The following CATSPERE variants were observed in gnomAD, a reference collection of about 807,000 sequenced individuals.
The protein encoded by CATSPERE is catsper channel auxiliary subunit epsilon, also known as cation channel sperm-associated auxiliary subunit epsilon.
A neutral mutation model predicts 114.1 loss-of-function variants in CATSPERE; 93 were observed. The ratio of observed to expected loss-of-function variants is 0.81; its 90% CI spans 0.69 to 0.97. CATSPERE has a LOEUF of 0.97. Ranked by LOEUF, CATSPERE falls within the 50% of genes least tolerant of loss-of-function variation. CATSPERE has a pLI of 0.00. For synonymous variants in CATSPERE, 341 were observed against 384.1 expected (o/e 0.89, Z 1.31); for missense variants, 1,058 against 1,131.6 (o/e 0.93, Z 0.93).
At chr1:244,527,973 A>C (rs1029163686) in intron 8 of CATSPERE, among the ~76,000 whole-genome samples, 3 of 152,032 alleles carry the variant, frequency 2.0e-5, no homozygotes, top group African/African-American at 4.8e-5. Context: ...TTTCTCTTCA[A>C]CTTTTAAGTT....
chr1:244,470,413 G>T (rs894575049), intron 2 of CATSPERE, among the ~76,000 whole-genome samples: 3 of 152,118 alleles, frequency 2.0e-5, no homozygotes, highest in African/African-American at 7.2e-5. Context: ...TATCCAAATG[G>T]CCAATAAGCA....
intron 19 of CATSPERE, among the ~76,000 whole-genome samples, chr1:244,614,975 C>CA (rs1037813603): frequency 1.3e-5 from 2 of 151,978 alleles, no homozygotes; most frequent in African/African-American, 4.8e-5. Context: ...AATTGTCCTT[C>CA]AACCTGGCTG....
intron 8 of CATSPERE, among the ~76,000 whole-genome samples, chr1:244,527,503 G>T (rs1678839661): frequency 6.6e-6 from 1 of 152,046 alleles, no homozygotes; most frequent in African/African-American, 2.4e-5. Flanking sequence ...ATTTCATATT[G>T]TTCAAACACA....
intron 10 of CATSPERE, 140 bp from the exon 11 acceptor site, chr1:244,572,190 T>A: frequency 3.2e-6 from 2 of 623,080 alleles, no homozygotes; most frequent in Non-Finnish European, 5.8e-6. Flanking sequence ...TATGGGTTCA[T>A]ATCTGCACAT....
intron 2 of CATSPERE, among the ~76,000 whole-genome samples, chr1:244,476,628 A>G (rs556300878): frequency 2.0e-5 from 3 of 152,308 alleles, no homozygotes; most frequent in African/African-American, 7.2e-5. Flanking sequence ...AGCAATCTTC[A>G]TATATTATGT....
chr1:244,599,486 C>A lies in CATSPERE; in HGVS notation c.2303+5908C>A, dbSNP rs559213083. On this transcript the variant is annotated intron_variant, in intron 17 of 21. Coordinates refer to ENST00000366534, the MANE Select transcript of CATSPERE (RefSeq NM_001130957.2). ...TATTGGGTCTATCTATTTGTCAATG[C>A]CTGCTATTACAGACCCAAGTCATCA... 5.9e-5 allele frequency among the ~76,000 whole-genome samples: 9 copies of A among 152,316 alleles called. No homozygotes were observed. In the South Asian group the frequency reaches 1.9e-3, roughly 32 times the overall value.
chr1:244,535,538 A>C (rs1392975139), intron 8 of CATSPERE, among the ~76,000 whole-genome samples: 1 of 152,036 alleles, frequency 6.6e-6, no homozygotes, highest in Non-Finnish European at 1.5e-5. Context: ...TGTGGCCACC[A>C]CCACCACAGG....
intron 10 of CATSPERE, among the ~76,000 whole-genome samples, chr1:244,569,228 C>T (rs1156251030): frequency 1.3e-5 from 2 of 152,186 alleles, no homozygotes; most frequent in African/African-American, 2.4e-5. Flanking sequence ...AGTGAGACGA[C>T]GCCCCACCCT....
chr1:244,454,698 T>G (rs929382404), intron 1 of CATSPERE: 1 of 151,876 alleles, frequency 6.6e-6, no homozygotes, highest in South Asian at 2.1e-4. Context: ...CTGCAAGGGT[T>G]TGATAAATGG....
chr1:244,617,588 C>A lies in CATSPERE; in HGVS notation c.2550C>A (p.Tyr850Ter), dbSNP rs1157934725. ...IGKPGDLNQP[Y>*]EIINSSNGNH... is the part of the protein sequence containing the mutation. ...AACCAGGAGACTTAAATCAACCATA[C>A]GAGATTATCAACAGTTCTAATGGTA... Residue 850 changes from tyrosine (Y) to a stop codon, truncating the protein, a stop_gained, in exon 20 of 22, where the codon TAC becomes TAA. Transcript: ENST00000366534. LOFTEE classifies it high-confidence loss of function. 28 of 1,543,202 alleles carry A rather than the reference C, an allele frequency of 1.8e-5. No individual in the cohort carries two copies. The highest frequency in any genetic ancestry group is 2.3e-5 in the Non-Finnish European group (26 of 1,144,430).
chr1:244,483,350 G>A (rs1304577801), intron 5 of CATSPERE, among the ~76,000 whole-genome samples: 1 of 152,190 alleles, frequency 6.6e-6, no homozygotes, highest in Non-Finnish European at 1.5e-5. Context: ...AGACCTAAAA[G>A]TACAATTGCC....
intron 7 of CATSPERE, among the ~76,000 whole-genome samples, chr1:244,508,624 G>C (rs562995274): frequency 1.3e-5 from 2 of 151,442 alleles, no homozygotes; most frequent in East Asian, 3.9e-4. Context: ...TTTTTTCTAT[G>C]TTGATTTTGT....
rs1369590628 is a variant in CATSPERE at position 244,588,511 on chromosome 1, T to TA, written c.2121dup (p.Phe708IlefsTer5). The TA allele has an allele frequency of 2.5e-6, 4 of 1,612,110 alleles. No individual in the cohort carries two copies. The highest frequency in any genetic ancestry group is 1.7e-6 in the Non-Finnish European group (2 of 1,178,288). ...TCCAAATAGCTGTTGGCTGTGATGATAAAAAATTCATTGCAATTAAAGGGT... is the reference window on the plus strand; with the variant it reads ...TCCAAATAGCTGTTGGCTGTGATGATAAAAAAATTCATTGCAATTAAAGGGT... On this transcript the variant is annotated frameshift_variant, in exon 14 of 22. Coordinates refer to ENST00000366534, the MANE Select transcript of CATSPERE (RefSeq NM_001130957.2). LOFTEE classifies it high-confidence loss of function.
intron 11 of CATSPERE, among the ~76,000 whole-genome samples, chr1:244,574,339 C>T (rs1369751560): frequency 6.6e-6 from 1 of 152,136 alleles, no homozygotes; most frequent in Non-Finnish European, 1.5e-5. Flanking sequence ...GCATGTCTAA[C>T]AGCTACATAG....
At chr1:244,516,320 T>C (rs1339779045) in intron 7 of CATSPERE, among the ~76,000 whole-genome samples, 1 of 151,644 alleles carries the variant, frequency 6.6e-6, no homozygotes, top group African/African-American at 2.4e-5. Flanking sequence ...ATTTTGGCAA[T>C]ATGTATCAAG....
intron 2 of CATSPERE, among the ~76,000 whole-genome samples, chr1:244,472,378 G>C (rs1417658629): frequency 1.3e-5 from 2 of 152,142 alleles, no homozygotes; most frequent in Non-Finnish European, 2.9e-5. Flanking sequence ...TCTAATATCA[G>C]AGTCACAATT....
chr1:244,611,196 T>G (rs1195190742), intron 19 of CATSPERE, among the ~76,000 whole-genome samples: 1 of 152,238 alleles, frequency 6.6e-6, no homozygotes, highest in Non-Finnish European at 1.5e-5. Context: ...TTTTGTTCAC[T>G]GCATCTAATG....
rs375875882 is a variant in CATSPERE, at chr1:244,617,550, T to C, written c.2512T>C (p.Tyr838His). 1.6e-4 allele frequency: 238 copies of C among 1,525,778 alleles called. No homozygotes were observed. Among genetic ancestry groups the C allele is most frequent in the Non-Finnish European group, 1.9e-4 (220 of 1,139,982 alleles). The allele number at this position is 1,525,778 out of a possible 1,614,324, so 94.5% of individuals were successfully genotyped here. A position where few individuals can be genotyped will look rare whatever the true frequency, so the allele number is the denominator to read the frequency against. Residue 838 changes from tyrosine to histidine, a missense_variant, in exon 20 of 22, where the codon TAT (tyrosine) becomes CAT (histidine). Physicochemically the swap from Tyr to His is moderately conservative, Grantham distance 83 (BLOSUM62 2). Transcript: ENST00000366534. The part of the protein sequence containing the change: ...GPENYKHCFS[Y>H]AIGKPGDLNQ... ...TCAGAACTATAAACACTGTTTTTCT[T>C]ATGCTATTGGAAAACCAGGAGACTT... is the stretch of plus-strand genomic sequence containing the variant.
chr1:244,520,729 G>T (rs546054399), intron 8 of CATSPERE, among the ~76,000 whole-genome samples: 1 of 152,146 alleles, frequency 6.6e-6, no homozygotes, highest in South Asian at 2.1e-4. Context: ...CTAGGAAGGG[G>T]GCTGAATCCA....
Sources: gnomAD v4.1 joint callset for allele counts (sites outside exome capture counted in the v4.1 genomes callset) on GRCh38, gnomAD v4.1.1 for gene constraint, MANE v1.5 for transcripts, NCBI Gene and HGNC (gene_info 2026-07-23, HGNC 2026-07-21) for gene names.